The following TSPAN7 variants were observed in gnomAD, a reference collection of about 807,000 sequenced individuals.
The protein encoded by TSPAN7 is tetraspanin 7, also known as tetraspanin-7.
TSPAN7 carries 1 observed loss-of-function variant against 17.6 expected under a neutral mutation model. The ratio of observed to expected loss-of-function variants is 0.06; its 90% CI spans 0.02 to 0.27. TSPAN7 has a LOEUF of 0.27. TSPAN7 is among the 10% of genes least tolerant of loss of function. The pLI is 1.00. For synonymous variants in TSPAN7, 78 were observed against 79.0 expected (o/e 0.99, Z 0.07); for missense variants, 112 against 201.7 (o/e 0.56, Z 2.69).
chrX:38,681,851 T>C (rs930747300), intron 6 of TSPAN7, among the ~76,000 whole-genome samples: 2 of 111,997 alleles, frequency 1.8e-5, no homozygotes, highest in South Asian at 3.7e-4. Flanking sequence ...TATCCCTTTA[T>C]CTGTACCTAC....
intron 1 of TSPAN7, among the ~76,000 whole-genome samples, chrX:38,614,569 A>G (rs189297611): frequency 1.6e-3 from 182 of 112,611 alleles, no homozygotes; most frequent in African/African-American, 5.5e-3. Flanking sequence ...TTTGAAGGAG[A>G]AAACTATTCT....
In TSPAN7 at chrX:38,622,647, G is replaced by C. The variant is rs755919488; in HGVS notation, c.82-43474G>C. On this transcript the variant is annotated intron_variant, in intron 1 of 7. Coordinates refer to ENST00000378482, the MANE Select transcript of TSPAN7 (RefSeq NM_004615.4). ...GATGTCTTGCATTAGATCAGAATTG[G>C]GTCCTACTTGGGAAGGTGGAGAGAT... is the stretch of plus-strand genomic sequence containing the variant. Among the ~76,000 whole-genome samples the C allele has an allele frequency of 1.6e-4, 18 of 112,389 alleles. No homozygotes were observed. In the South Asian group the frequency reaches 6.3e-3, roughly 39 times the overall value.
chrX:38,628,229 T>G (rs1051242976), intron 1 of TSPAN7, among the ~76,000 whole-genome samples: 2 of 112,992 alleles, frequency 1.8e-5, no homozygotes, highest in African/African-American at 6.4e-5. Context: ...AGGAGCATCC[T>G]GTAAGTCCCA....
intron 1 of TSPAN7, chrX:38,646,375 TG>T: frequency 9.6e-7 from 1 of 1,040,817 alleles, no homozygotes; most frequent in Non-Finnish European, 1.3e-6. Flanking sequence ...TGTGGGATTT[TG>T]TGAAGGTAGT....
At chrX:38,593,425 A>T (rs1403738302) in intron 1 of TSPAN7, among the ~76,000 whole-genome samples, 2 of 111,363 alleles carry the variant, frequency 1.8e-5, no homozygotes, top group African/African-American at 3.3e-5. Flanking sequence ...CTGGAGTGTC[A>T]TTGCTTCTTG....
intron 1 of TSPAN7, among the ~76,000 whole-genome samples, chrX:38,590,800 G>A (rs2069286772): frequency 9.0e-6 from 1 of 111,295 alleles, no homozygotes; most frequent in African/African-American, 3.3e-5. Flanking sequence ...TTTGTATTTT[G>A]TATTAAATGT....
chrX:38,583,242 G>A (rs748669709), intron 1 of TSPAN7, among the ~76,000 whole-genome samples: 4 of 112,203 alleles, frequency 3.6e-5, no homozygotes, highest in African/African-American at 6.5e-5. Context: ...TCTGCTTAGC[G>A]AATCTCGCTT....
At chrX:38,665,384 G>A (rs763253098) in intron 1 of TSPAN7, among the ~76,000 whole-genome samples, 60 of 111,534 alleles carry the variant, frequency 5.4e-4, no homozygotes, top group Non-Finnish European at 9.6e-4. Flanking sequence ...CTGCCAGGGC[G>A]TGTGGCCTGC....
chrX:38,626,178 T>C (rs2069521913), intron 1 of TSPAN7, among the ~76,000 whole-genome samples: 1 of 102,894 alleles, frequency 9.7e-6, no homozygotes, highest in Non-Finnish European at 2.0e-5. Context: ...GGATTTTAAA[T>C]GTACTATTCT....
In TSPAN7 at chrX:38,675,888, G is replaced by A. The variant is rs755630257; in HGVS notation, c.597+28G>A. 77 of 1,204,333 alleles carry A rather than the reference G, an allele frequency of 6.4e-5. 1 individual carries two copies. Among genetic ancestry groups the A allele is most frequent in the Non-Finnish European group, 8.4e-5 (75 of 890,788 alleles). ...ACCCGCTTTCTCCTGGCCCAGATGGGACCAGTGGTGAATGTTTGGGGGGGC... is the reference window on the plus strand; with the variant it reads ...ACCCGCTTTCTCCTGGCCCAGATGGAACCAGTGGTGAATGTTTGGGGGGGC... On this transcript the variant is annotated intron_variant, in intron 5 of 7. Coordinates refer to ENST00000378482, the MANE Select transcript of TSPAN7 (RefSeq NM_004615.4).
In TSPAN7 at chrX:38,671,454, A is replaced by G; in HGVS notation, c.345+4A>G. 1 of 1,208,786 alleles carries G rather than the reference A, an allele frequency of 8.3e-7. No individual in the cohort carries two copies. The highest frequency in any genetic ancestry group is 1.7e-5 in the African/African-American group (1 of 57,686). On this transcript the variant is annotated splice_donor_region_variant and intron_variant, in intron 3 of 7. Transcript: ENST00000378482. ...AGGGTTTGTGTTTCGTCATGAGGTG[A>G]GTATACACAAAATGCAGAACTCAGT...
At chrX:38,630,871 C>T (rs746005965) in intron 1 of TSPAN7, among the ~76,000 whole-genome samples, 2 of 111,687 alleles carry the variant, frequency 1.8e-5, no homozygotes, top group East Asian at 2.8e-4. Context: ...TCTACCTCTG[C>T]GCTATGTGAG....
chrX:38,650,926 A>G (rs151184902), intron 1 of TSPAN7, among the ~76,000 whole-genome samples: 143 of 110,223 alleles, frequency 1.3e-3, no homozygotes, highest in Middle Eastern at 4.7e-3. Context: ...AACCTCTCCC[A>G]TCTCATGCCC....
At chrX:38,613,712 C>G (rs1044093999) in intron 1 of TSPAN7, among the ~76,000 whole-genome samples, 2 of 111,163 alleles carry the variant, frequency 1.8e-5, no homozygotes. Flanking sequence ...CTTAATGACC[C>G]TATTTTCATT....
In TSPAN7 at chrX:38,673,702, C is replaced by CT. The variant is rs1256550350; in HGVS notation, c.346-509dup. Among the ~76,000 whole-genome samples the CT allele has an allele frequency of 2.2e-4, 23 of 106,806 alleles. No individual in the cohort carries two copies. In the East Asian group the frequency reaches 5.0e-3, roughly 23 times the overall value. The allele number at this position is 106,806 out of a possible 115,157, so 92.7% of individuals were successfully genotyped here. A position where few individuals can be genotyped will look rare whatever the true frequency, so the allele number is the denominator to read the frequency against. On this transcript the variant is annotated intron_variant, in intron 3 of 7. Coordinates refer to ENST00000378482, the MANE Select transcript of TSPAN7 (RefSeq NM_004615.4). ...TTTTTAAGTTCTTGTCCTTTATTAT[C>CT]TTTTTTTTTTAATTTGCCTCAATAA...
chrX:38,631,610 C>T (rs2069552310), intron 1 of TSPAN7, among the ~76,000 whole-genome samples: 1 of 111,031 alleles, frequency 9.0e-6, no homozygotes, highest in South Asian at 3.8e-4. Context: ...TATGGAAGTC[C>T]CAGAATTAAG....
chrX:38,675,668 T>G, intron 4 of TSPAN7, 37 bp from the exon 5 acceptor site: 2 of 1,209,674 alleles, frequency 1.7e-6, no homozygotes, highest in Non-Finnish European at 1.1e-6. Flanking sequence ...ACATTTGATC[T>G]GCCATTTTTT....
chrX:38,623,509 T>G, intron 1 of TSPAN7, among the ~76,000 whole-genome samples: 1 of 109,731 alleles, frequency 9.1e-6, no homozygotes, highest in East Asian at 2.9e-4. Flanking sequence ...ATTCCCTTAA[T>G]GCAGGGTGGG....
intron 1 of TSPAN7, among the ~76,000 whole-genome samples, chrX:38,628,369 T>TAAAA (rs1289205524): frequency 2.7e-5 from 3 of 111,850 alleles, no homozygotes; most frequent in Non-Finnish European, 5.6e-5. Context: ...TTTTGTTTTT[T>TAAAA]GTCTTAGGAA....
Sources: gnomAD v4.1 joint callset for allele counts (sites outside exome capture counted in the v4.1 genomes callset) on GRCh38, gnomAD v4.1.1 for gene constraint, MANE v1.5 for transcripts, NCBI Gene and HGNC (gene_info 2026-07-23, HGNC 2026-07-21) for gene names.